TMEM131: variants seen among roughly 807,000 people sequenced by gnomAD.
TMEM131 encodes the protein 2610524E03Rik.
A neutral mutation model predicts 211.6 loss-of-function variants in TMEM131; 66 were observed. That is an observed-to-expected ratio of 0.31 (90% CI 0.26 to 0.38). TMEM131 has a LOEUF of 0.38. TMEM131 is among the 10% of genes least tolerant of loss of function. The probability of loss-of-function intolerance (pLI) is 1.00; values close to 1 mark genes in which losing one functional copy is unlikely to be tolerated. For synonymous variants in TMEM131, 844 were observed against 841.3 expected (o/e 1.00, Z -0.06); for missense variants, 2,036 against 2,299.3 (o/e 0.89, Z 2.34).
In TMEM131 at chr2:97,855,107, C is replaced by G. The variant is rs1673783767; in HGVS notation, c.483+4197G>C. 2.6e-5 allele frequency among the ~76,000 whole-genome samples: 4 copies of G among 152,338 alleles called. No individual in the cohort carries two copies. In the South Asian group the frequency reaches 8.3e-4, roughly 32 times the overall value. Reference sequence around the variant, plus strand: ...CACTGGTAAAAACAAAAGTGCCTGGCACTTTAAGTAGACACTTCATAAATA... The same window carrying G: ...CACTGGTAAAAACAAAAGTGCCTGGGACTTTAAGTAGACACTTCATAAATA... On this transcript the variant is annotated intron_variant, in intron 5 of 40. Transcript: ENST00000186436.
chr2:97,777,924 A>G (rs958037531), intron 31 of TMEM131, among the ~76,000 whole-genome samples: 1 of 152,226 alleles, frequency 6.6e-6, no homozygotes, highest in Non-Finnish European at 1.5e-5. Context: ...CATGGTAGAC[A>G]GGAAGGGGAG....
At chr2:97,926,540 G>C (rs1677000222) in intron 2 of TMEM131, among the ~76,000 whole-genome samples, 1 of 152,164 alleles carries the variant, frequency 6.6e-6, no homozygotes. Flanking sequence ...TAGACATTCT[G>C]TAGGAGTCTT....
intron 31 of TMEM131, among the ~76,000 whole-genome samples, chr2:97,785,846 C>T (rs570708366): frequency 1.3e-5 from 2 of 152,208 alleles, no homozygotes; most frequent in East Asian, 1.9e-4. Context: ...TAAAAAGGAA[C>T]GCACTGGTGA....
At chr2:97,943,086 AAAG>A (rs1308504270) in intron 1 of TMEM131, among the ~76,000 whole-genome samples, 24 of 144,058 alleles carry the variant, frequency 1.7e-4, no homozygotes, top group Non-Finnish European at 2.8e-4. Context: ...AGAAAGAAAG[AAAG>A]AAAGAAAGAA....
chr2:97,873,619 G>A (rs2105232416), intron 4 of TMEM131, among the ~76,000 whole-genome samples: 1 of 152,334 alleles, frequency 6.6e-6, no homozygotes, highest in South Asian at 2.1e-4. Context: ...CGTCGGGAGT[G>A]GACCTCCAGC....
chr2:97,828,212 A>G (rs1682491506), intron 11 of TMEM131, among the ~76,000 whole-genome samples: 1 of 152,242 alleles, frequency 6.6e-6, no homozygotes. Flanking sequence ...TCCAAATTTT[A>G]AGCTGGAAAG....
In TMEM131 at chr2:97,793,381, G is replaced by C; in HGVS notation, c.3545+14C>G. On this transcript the variant is annotated intron_variant, in intron 30 of 40. Coordinates refer to ENST00000186436, the MANE Select transcript of TMEM131 (RefSeq NM_015348.2). ...ATGTACACTAGGGAATTTATTGCCA[G>C]CATGTGAACATACTTTCCTTCAGAT... 6.2e-7 allele frequency: 1 copy of C among 1,602,518 alleles called. No homozygotes were observed.
intron 5 of TMEM131, among the ~76,000 whole-genome samples, chr2:97,853,643 G>C (rs1307182355): frequency 6.6e-6 from 1 of 151,464 alleles, no homozygotes; most frequent in Non-Finnish European, 1.5e-5. Flanking sequence ...TGTGATTCAT[G>C]GGAGAAGGTT....
rs1680573907 is a variant in TMEM131 at position 97,792,928 on chromosome 2, C to A, written c.3602G>T (p.Gly1201Val). 2 of 1,610,718 alleles carry A rather than the reference C, an allele frequency of 1.2e-6. No homozygotes were observed. The highest frequency in any genetic ancestry group is 4.5e-5 in the East Asian group (2 of 44,824). Residue 1201 changes from glycine (G) to valine (V), a missense_variant, in exon 31 of 41, where the codon GGT (glycine) becomes GTT (valine). Coordinates refer to ENST00000186436, the MANE Select transcript of TMEM131 (RefSeq NM_015348.2). ...CCCGGCACTGGGTCGGGATGATGAA[C>A]CGCCTGCTCCACAGAACCCCCTACT... The part of the protein sequence containing the change: ...GHSRGFCGAG[G>V]SSSRPSAGSH...
rs568275368 is a variant in TMEM131, at chr2:97,922,076, G to A, written c.249+5350C>T. On this transcript the variant is annotated intron_variant, in intron 2 of 40. Coordinates refer to ENST00000186436, the MANE Select transcript of TMEM131 (RefSeq NM_015348.2). ...CATGGAAGACAATTTTTCCATGGAT[G>A]GGGGGTTAGCGGGATGGTTTCAGAA... Among the ~76,000 whole-genome samples the A allele has an allele frequency of 2.3e-4, 35 of 152,288 alleles. 1 individual carries two copies. The highest frequency in any genetic ancestry group is 2.8e-4 in the Non-Finnish European group (19 of 68,018).
chr2:97,935,880 G>C (rs1677421335), intron 1 of TMEM131, among the ~76,000 whole-genome samples: 1 of 152,156 alleles, frequency 6.6e-6, no homozygotes, highest in African/African-American at 2.4e-5. Flanking sequence ...GAAATATGTG[G>C]CATTTAACTT....
chr2:97,882,405 A>G (rs896325473), intron 4 of TMEM131, among the ~76,000 whole-genome samples: 2 of 152,208 alleles, frequency 1.3e-5, no homozygotes, highest in African/African-American at 2.4e-5. Flanking sequence ...AAAGTCCCTA[A>G]TAGGCTGATT....
At chr2:97,983,102 CT>C (rs1399143753) in intron 1 of TMEM131, among the ~76,000 whole-genome samples, 1 of 152,206 alleles carries the variant, frequency 6.6e-6, no homozygotes. Flanking sequence ...CCTTTGCTCA[CT>C]AGAAGCAGGG....
Position 97,833,419 on chromosome 2 carries a change from T to C in TMEM131, c.1020A>G (p.Pro340=), listed in dbSNP as rs778402180. Residue 340 remains proline (P), a synonymous_variant, in exon 11 of 41, where the codon CCA becomes CCG. Transcript: ENST00000186436. ...TTAATAAATGAAGGTTTAAAACTTT[T>C]GGTAGATCTGTTAAAATTGAGGAAA... ...DFGTLRTQDL[P]KVLNLHLLNS... 10 of 1,336,716 alleles carry C rather than the reference T, an allele frequency of 7.5e-6. No homozygotes were observed. In the South Asian group the frequency reaches 9.4e-5, roughly 13 times the overall value. The allele number at this position is 1,336,716 out of a possible 1,614,324, so 82.8% of individuals were successfully genotyped here.
chr2:97,908,740 A>G (rs753272604), intron 2 of TMEM131, 42 bp from the exon 3 acceptor site: 13 of 1,507,996 alleles, frequency 8.6e-6, no homozygotes, highest in Non-Finnish European at 1.2e-5. Flanking sequence ...CTGAAGCCAA[A>G]TATTTATATT....
chr2:97,821,737 G>A (rs867165726), intron 11 of TMEM131, among the ~76,000 whole-genome samples: 6 of 152,220 alleles, frequency 3.9e-5, no homozygotes, highest in Middle Eastern at 3.4e-3. Flanking sequence ...CTTAGAATTC[G>A]GGGGCTAAAT....
intron 1 of TMEM131, among the ~76,000 whole-genome samples, chr2:97,985,722 G>C (rs1047637310): frequency 1.3e-5 from 2 of 151,436 alleles, no homozygotes; most frequent in Non-Finnish European, 2.9e-5. Context: ...TCAAGAAATA[G>C]ATCCCAGTAC....
At chr2:97,877,385 C>CCCGT (rs1332586392) in intron 4 of TMEM131, among the ~76,000 whole-genome samples, 4 of 152,160 alleles carry the variant, frequency 2.6e-5, no homozygotes, top group African/African-American at 9.7e-5. Flanking sequence ...CAAAAAAGAA[C>CCCGT]CCGTATTGCC....
At chr2:97,979,164 A>G (rs1032651133) in intron 1 of TMEM131, among the ~76,000 whole-genome samples, 17 of 152,184 alleles carry the variant, frequency 1.1e-4, no homozygotes, top group Admixed American at 2.6e-4. Context: ...CACATTATAA[A>G]CAGATGTGCT....
Sources: gnomAD v4.1 joint callset for allele counts (sites outside exome capture counted in the v4.1 genomes callset) on GRCh38, gnomAD v4.1.1 for gene constraint, MANE v1.5 for transcripts, NCBI Gene and HGNC (gene_info 2026-07-23, HGNC 2026-07-21) for gene names.